Variants in PCNX1 observed in about 807,000 individuals in gnomAD.
PCNX1 encodes the protein pecanex 1.
In PCNX1, 78 loss-of-function variants were observed where a neutral mutation model predicts 242.2. The observed-to-expected ratio is 0.32, with a 90% confidence interval of 0.27 to 0.39. PCNX1 has a LOEUF of 0.39. Among genes scored for constraint, PCNX1 ranks in the 10% least tolerant of loss-of-function variants. The pLI, the probability that PCNX1 is intolerant of heterozygous loss-of-function variation, is 1.00. For synonymous variants in PCNX1, 1,024 were observed against 1,032.9 expected, an observed-to-expected ratio of 0.99 and a Z score of 0.17; for missense variants, 2,581 against 2,856.5, an observed-to-expected ratio of 0.90 and a Z score of 2.20.
At chr14:71,003,100 T>TTTTTTTTTTTTTTTA (rs2059555857) in intron 8 of PCNX1, among the ~76,000 whole-genome samples, 1 of 146,994 alleles carries the variant, frequency 6.8e-6, no homozygotes, top group Non-Finnish European at 1.5e-5. Flanking sequence ...TTTTTTTTTT[T>TTTTTTTTTTTTTTTA]GAGACAGAGT....
intron 1 of PCNX1, among the ~76,000 whole-genome samples, chr14:70,927,191 A>T (rs9323550): frequency 1.6e-3 from 248 of 152,340 alleles, no homozygotes; most frequent in African/African-American, 5.7e-3. Flanking sequence ...CCGTATTAAC[A>T]TTCCTTAGTA....
intron 26 of PCNX1, among the ~76,000 whole-genome samples, chr14:71,062,682 A>ATT (rs151212409): frequency 6.6e-6 from 1 of 152,026 alleles, no homozygotes; most frequent in African/African-American, 2.4e-5. Context: ...ATTGGAGAAA[A>ATT]TAATTAATTT....
At position 70,968,359 on chromosome 14, in the gene PCNX1, T is replaced by G. The variant is rs1436123136; in HGVS notation, c.514+116T>G. The G allele has an allele frequency of 4.9e-6, 3 of 609,378 alleles. No homozygotes were observed. In the African/African-American group the frequency reaches 5.8e-5, roughly 12 times the overall value. 37.7% of individuals were successfully genotyped at this position (609,378 alleles called of 1,614,324 possible). On this transcript the variant is annotated intron_variant, in intron 4 of 35. Transcript: ENST00000304743. ...GAAAAAAATCATTCTTGAAATTCTT[T>G]TATAGATAAAATTATTTATCTTATT...
intron 30 of PCNX1, among the ~76,000 whole-genome samples, chr14:71,090,744 C>T (rs1006374671): frequency 1.3e-5 from 2 of 152,194 alleles, no homozygotes; most frequent in African/African-American, 2.4e-5. Context: ...TTTCATATAG[C>T]ATAATTTTCT....
Position 71,057,545 on chromosome 14 carries a change from A to G in PCNX1, c.4673A>G (p.Glu1558Gly). 1 of 1,613,476 alleles carries G rather than the reference A, an allele frequency of 6.2e-7. No homozygotes were observed. Among genetic ancestry groups the G allele is most frequent in the Non-Finnish European group, 8.5e-7 (1 of 1,179,514 alleles). The part of the protein sequence containing the change: ...DDNNLNSIFY[E>G]HLTRSLQHSL... Reference sequence around the variant, plus strand: ...AACAATCTGAATTCCATCTTTTATGAGCATTTAACTAGATCCCTACAGCAC... The same window carrying G: ...AACAATCTGAATTCCATCTTTTATGGGCATTTAACTAGATCCCTACAGCAC... The change falls in exon 26 of 36, where the codon GAG (glutamate) becomes GGG (glycine). Residue 1558 changes from glutamate (E) to glycine (G), a missense_variant. Transcript: ENST00000304743.
intron 12 of PCNX1, among the ~76,000 whole-genome samples, chr14:71,022,265 C>T (rs774807211): frequency 9.9e-5 from 15 of 152,076 alleles, no homozygotes; most frequent in Non-Finnish European, 1.9e-4. Flanking sequence ...ATTCATTTTG[C>T]GGCTCTAGTG....
intron 1 of PCNX1, among the ~76,000 whole-genome samples, chr14:70,908,629 A>T (rs2055683106): frequency 6.6e-6 from 1 of 152,138 alleles, no homozygotes; most frequent in Admixed American, 6.5e-5. Flanking sequence ...GCCTCTAAAA[A>T]ACCGTTGTTG....
At chr14:71,039,984 C>G (rs1023323988) in intron 19 of PCNX1, among the ~76,000 whole-genome samples, 22 of 152,096 alleles carry the variant, frequency 1.4e-4, no homozygotes, top group African/African-American at 5.3e-4. Context: ...TAGGACATTT[C>G]TCTTTTATTT....
At chr14:71,004,996 A>G (rs979780569) in intron 8 of PCNX1, among the ~76,000 whole-genome samples, 2 of 152,188 alleles carry the variant, frequency 1.3e-5, no homozygotes, top group African/African-American at 4.8e-5. Flanking sequence ...AAGAGAAGTC[A>G]GTGTAGACAG....
chr14:71,081,963 A>T (rs2061865298), intron 28 of PCNX1, among the ~76,000 whole-genome samples: 1 of 152,086 alleles, frequency 6.6e-6, no homozygotes, highest in African/African-American at 2.4e-5. Context: ...TGTTGATTTT[A>T]GATCTTTCCC....
chr14:70,919,861 GAA>G (rs2056311486), intron 1 of PCNX1, among the ~76,000 whole-genome samples: 1 of 151,700 alleles, frequency 6.6e-6, no homozygotes, highest in African/African-American at 2.4e-5. Context: ...TTACAAGAAA[GAA>G]AAGAAAACTT....
At chr14:71,079,423 A>G (rs571275071) in intron 28 of PCNX1, among the ~76,000 whole-genome samples, 2 of 152,310 alleles carry the variant, frequency 1.3e-5, no homozygotes, top group South Asian at 2.1e-4. Context: ...TCGCCACTCT[A>G]TCTTCCACAA....
chr14:70,929,989 C>T (rs2056730350), intron 1 of PCNX1, among the ~76,000 whole-genome samples: 2 of 152,082 alleles, frequency 1.3e-5, no homozygotes, highest in South Asian at 4.1e-4. Context: ...CTATAATGTA[C>T]ATAAGATTAT....
At chr14:71,027,005 G>A in intron 15 of PCNX1, 123 bp downstream of exon 15, 2 of 498,712 alleles carry the variant, frequency 4.0e-6, no homozygotes, top group African/African-American at 2.0e-5. Flanking sequence ...AAAAAAAAAA[G>A]ACATTAAGTG....
intron 8 of PCNX1, among the ~76,000 whole-genome samples, chr14:71,009,375 G>A (rs1005332277): frequency 2.0e-5 from 3 of 152,142 alleles, no homozygotes; most frequent in African/African-American, 4.8e-5. Flanking sequence ...AAAGAAAAAA[G>A]AGATTGGTAT....
rs185025862 is a variant in PCNX1 at position 70,963,586 on chromosome 14, G to T, written c.468+1255G>T. On this transcript the variant is annotated intron_variant, in intron 3 of 35. Transcript: ENST00000304743. Reference sequence around the variant, plus strand: ...GAATCAAAATCTTGAACAGGGTCTTGTTTTCTAATATATTTTGATAGAAGA... The same window carrying T: ...GAATCAAAATCTTGAACAGGGTCTTTTTTTCTAATATATTTTGATAGAAGA... Among the ~76,000 whole-genome samples the T allele has an allele frequency of 3.3e-3, 501 of 152,242 alleles. 4 individuals are homozygous for T. Among genetic ancestry groups the T allele is most frequent in the Middle Eastern group, 0.02 (6 of 294 alleles).
At chr14:70,947,383 C>A (rs1431941501) in intron 2 of PCNX1, among the ~76,000 whole-genome samples, 1 of 152,080 alleles carries the variant, frequency 6.6e-6, no homozygotes, top group East Asian at 1.9e-4. Flanking sequence ...AAGACAGGGA[C>A]CCCGAACAGA....
chr14:71,048,195 TAA>T (rs534109577), intron 22 of PCNX1, among the ~76,000 whole-genome samples: 1 of 152,160 alleles, frequency 6.6e-6, no homozygotes. Context: ...GCTAAGAAGA[TAA>T]AGTTACATAA....
intron 13 of PCNX1, among the ~76,000 whole-genome samples, chr14:71,025,419 T>C (rs1408619969): frequency 1.3e-5 from 2 of 152,118 alleles, no homozygotes; most frequent in African/African-American, 4.8e-5. Flanking sequence ...GTCTTTTCTC[T>C]ATGGAGCCCC....
Sources: gnomAD v4.1 joint callset for allele counts (sites outside exome capture counted in the v4.1 genomes callset) on GRCh38, gnomAD v4.1.1 for gene constraint, MANE v1.5 for transcripts, NCBI Gene and HGNC (gene_info 2026-07-23, HGNC 2026-07-21) for gene names.